The following PAK1 variants were observed in gnomAD, a reference collection of about 807,000 sequenced individuals.
PAK1 encodes serine/threonine-protein kinase PAK 1.
PAK1 carries 29 observed loss-of-function variants against 67.4 expected under a neutral mutation model. The ratio of observed to expected loss-of-function variants is 0.43; its 90% CI spans 0.32 to 0.59. The LOEUF (loss-of-function observed/expected upper bound fraction) is 0.59. Ranked by LOEUF, PAK1 falls within the 20% of genes least tolerant of loss-of-function variation. PAK1 has a pLI of 0.07. For missense variants in PAK1, 337 were observed against 670.7 expected (o/e 0.50, Z 5.50); for synonymous variants, 223 against 237.4 (o/e 0.94, Z 0.56).
intron 5 of PAK1, among the ~76,000 whole-genome samples, chr11:77,367,722 T>C (rs1947796982): frequency 6.6e-6 from 1 of 152,206 alleles, no homozygotes; most frequent in Admixed American, 6.5e-5. Flanking sequence ...CTCACGCCTG[T>C]AATCCCAGCA....
intron 1 of PAK1, among the ~76,000 whole-genome samples, chr11:77,449,647 T>C (rs200638325): frequency 4.0e-5 from 6 of 148,242 alleles, no homozygotes; most frequent in Non-Finnish European, 7.4e-5. Flanking sequence ...GTTTTCCTTA[T>C]GGGTTGCTGG....
the PAK1 span, among the ~76,000 whole-genome samples, chr11:77,509,829 T>TC: frequency 6.6e-6 from 1 of 152,142 alleles, no homozygotes; most frequent in African/African-American, 2.4e-5. Context: ...CCCTGAGGCC[T>TC]CCCCAGATGC....
At chr11:77,453,160 G>A (rs1430010891) in intron 1 of PAK1, among the ~76,000 whole-genome samples, 1 of 152,176 alleles carries the variant, frequency 6.6e-6, no homozygotes, top group Non-Finnish European at 1.5e-5. Flanking sequence ...TTCAAGATCA[G>A]CCTGGCCAAT....
At chr11:77,365,883 C>A (rs1177159429) in intron 5 of PAK1, among the ~76,000 whole-genome samples, 14 of 151,408 alleles carry the variant, frequency 9.2e-5, no homozygotes, top group African/African-American at 3.4e-4. Context: ...CACAGTCAGA[C>A]TGCCAAAAGC....
the PAK1 span, among the ~76,000 whole-genome samples, chr11:77,483,690 T>A: frequency 4.1e-4 from 62 of 152,340 alleles, no homozygotes; most frequent in African/African-American, 1.4e-3. Context: ...TTTTCTGGTA[T>A]GTAAATTATA....
At chr11:77,479,078 C>A (rs1958090320), upstream of PAK1, among the ~76,000 whole-genome samples, 1 of 144,644 alleles carries the variant, frequency 6.9e-6, no homozygotes, top group Non-Finnish European at 1.5e-5. Flanking sequence ...GAGCAAGACT[C>A]CGTCTCAAAA....
At chr11:77,461,060 T>G (rs1334444391) in intron 1 of PAK1, among the ~76,000 whole-genome samples, 1 of 152,170 alleles carries the variant, frequency 6.6e-6, no homozygotes, top group Non-Finnish European at 1.5e-5. Flanking sequence ...AAGGCTGTAG[T>G]GGTTTTTTCA....
chr11:77,365,509 C>T (rs895347087), intron 5 of PAK1, among the ~76,000 whole-genome samples: 3 of 151,770 alleles, frequency 2.0e-5, no homozygotes, highest in South Asian at 2.1e-4. Flanking sequence ...CCAAGAACCT[C>T]GATAAATCCC....
the PAK1 span, among the ~76,000 whole-genome samples, chr11:77,483,308 C>A: frequency 6.6e-6 from 1 of 151,884 alleles, no homozygotes; most frequent in Non-Finnish European, 1.5e-5. Context: ...TGTTCGTAAT[C>A]CATGGACAGA....
chr11:77,369,154 C>T (rs1378370470), intron 5 of PAK1, among the ~76,000 whole-genome samples: 1 of 152,158 alleles, frequency 6.6e-6, no homozygotes, highest in African/African-American at 2.4e-5. Flanking sequence ...ACTATATTCT[C>T]TTTGGAGGCT....
the PAK1 span, among the ~76,000 whole-genome samples, chr11:77,486,781 A>G: frequency 1.4e-4 from 22 of 152,342 alleles, no homozygotes; most frequent in African/African-American, 5.1e-4. Context: ...GGAATTGTCT[A>G]TCCCAGTAGC....
the PAK1 span, among the ~76,000 whole-genome samples, chr11:77,495,812 A>G: frequency 0.035 from 5,326 of 152,290 alleles, 316 homozygotes; most frequent in African/African-American, 0.12. Flanking sequence ...CTATGATTCT[A>G]CTTATATGAG....
chr11:77,430,590 A>G (rs1041552480), intron 1 of PAK1, among the ~76,000 whole-genome samples: 3 of 152,276 alleles, frequency 2.0e-5, no homozygotes, highest in Non-Finnish European at 4.4e-5. Flanking sequence ...CAAGTGGAAT[A>G]GAGGAAAACA....
chr11:77,438,671 A>G (rs1956231544), intron 1 of PAK1, among the ~76,000 whole-genome samples: 1 of 152,174 alleles, frequency 6.6e-6, no homozygotes, highest in Non-Finnish European at 1.5e-5. Flanking sequence ...TCTCTAAAAG[A>G]GCTGTTTATG....
chr11:77,365,638 G>C (rs1263243680), intron 5 of PAK1, among the ~76,000 whole-genome samples: 1 of 151,974 alleles, frequency 6.6e-6, no homozygotes, highest in Non-Finnish European at 1.5e-5. Flanking sequence ...TTTGGGACCA[G>C]CCTGGCCAAT....
At position 77,358,994 on chromosome 11, in the gene PAK1, A is replaced by G. The variant is rs751592397; in HGVS notation, c.501T>C (p.Thr167=). 1 of 1,613,316 alleles carries G rather than the reference A, an allele frequency of 6.2e-7. No homozygotes were observed. Among genetic ancestry groups the G allele is most frequent in the Non-Finnish European group, 8.5e-7 (1 of 1,179,488 alleles). The change falls in exon 6 of 15, where the codon ACT becomes ACC. Residue 167 remains threonine, a synonymous_variant. Transcript: ENST00000356341. The part of the protein sequence containing the change: ...NALNVKAVSE[T]PAVPPVSEDE... ...CTTCTGAAACTGGTGGCACTGCAGG[A>G]GTCTCAGACACAGCCTTCACATTCT...
At chr11:77,412,243 G>A (rs910792107) in intron 1 of PAK1, among the ~76,000 whole-genome samples, 2 of 152,082 alleles carry the variant, frequency 1.3e-5, no homozygotes, top group African/African-American at 4.8e-5. Context: ...TTCTACAGAT[G>A]AGTATAGAGG....
intron 1 of PAK1, among the ~76,000 whole-genome samples, chr11:77,405,670 GACAGACACAC>G (rs1207983633): frequency 2.5e-4 from 31 of 125,662 alleles, no homozygotes; most frequent in Non-Finnish European, 4.0e-4. Context: ...CAGACAGACA[GACAGACACAC>G]ACACACACAC....
intron 1 of PAK1, among the ~76,000 whole-genome samples, chr11:77,449,700 A>AG (rs1956773113): frequency 6.6e-6 from 1 of 151,550 alleles, no homozygotes; most frequent in Non-Finnish European, 1.5e-5. Flanking sequence ...GTAAAAAAAA[A>AG]AAAAAAAAAA....
Sources: allele counts gnomAD v4.1 joint callset (sites outside exome capture counted in the v4.1 genomes callset), GRCh38; gene constraint gnomAD v4.1.1; transcripts MANE v1.5; gene names NCBI Gene and HGNC (gene_info 2026-07-23, HGNC 2026-07-21).